The following DCDC2 variants were observed in gnomAD, a reference collection of about 807,000 sequenced individuals.
The protein encoded by DCDC2 is doublecortin domain-containing protein 2.
Under a neutral mutation model 50.2 loss-of-function variants are expected in DCDC2, and 40 were observed. The observed-to-expected ratio is 0.80, with a 90% CI of 0.62 to 1.04. The LOEUF (loss-of-function observed/expected upper bound fraction) is 1.04, where lower values mean the gene tolerates loss of function less well. Among genes scored for constraint, DCDC2 ranks in the 50% least tolerant of loss-of-function variants. The probability of loss-of-function intolerance (pLI) is 0.00; values close to 1 mark genes in which losing one functional copy is unlikely to be tolerated. For synonymous variants in DCDC2, 234 were observed against 210.6 expected, an observed-to-expected ratio of 1.11 and a Z score of -0.96; for missense variants, 570 against 581.9, an observed-to-expected ratio of 0.98 and a Z score of 0.21.
chr6:24,345,388 C>A lies in DCDC2; in HGVS notation c.348+8181G>T, dbSNP rs1581663265. Among the ~76,000 whole-genome samples the A allele has an allele frequency of 2.6e-5, 4 of 152,234 alleles. No homozygotes were observed. The South Asian group carries it at 8.3e-4, about 32-fold the overall frequency. On this transcript the variant is annotated intron_variant, in intron 2 of 9. Transcript: ENST00000378454. ...TATTCAAAATCTTAAGGACATTCAC[C>A]TGAGTAACTGACCTGAAGTACAACC...
intron 7 of DCDC2, among the ~76,000 whole-genome samples, chr6:24,220,895 C>CAAGAGAGCGAGAGCGAGA (rs1762097490): frequency 1.7e-5 from 2 of 117,160 alleles, no homozygotes; most frequent in Non-Finnish European, 4.0e-5. Context: ...AGAGAGTGAG[C>CAAGAGAGCGAGAGCGAGA]GAGCGAGCGA....
At chr6:24,208,436 T>C (rs866680730) in intron 7 of DCDC2, among the ~76,000 whole-genome samples, 2 of 135,908 alleles carry the variant, frequency 1.5e-5, no homozygotes, top group Non-Finnish European at 3.1e-5. Context: ...AGTGGCGCAA[T>C]CTCCGCTCAC....
intron 7 of DCDC2, among the ~76,000 whole-genome samples, chr6:24,210,060 C>G (rs112945477): frequency 0.036 from 4,763 of 132,724 alleles, 234 homozygotes; most frequent in African/African-American, 0.12. Flanking sequence ...GTGTGTCTGT[C>G]TGTCTGTCTG....
At chr6:24,369,595 C>T in the DCDC2 span, among the ~76,000 whole-genome samples, 3,733 of 150,868 alleles carry the variant, frequency 0.025, 79 homozygotes, top group African/African-American at 0.05. Context: ...GGTGACAGAG[C>T]GGGACTCCGT....
At chr6:24,337,789 C>A (rs1581659455) in intron 2 of DCDC2, among the ~76,000 whole-genome samples, 1 of 108,558 alleles carries the variant, frequency 9.2e-6, no homozygotes, top group Non-Finnish European at 2.0e-5. Flanking sequence ...TAGAGCAAGA[C>A]TCCGTCTCAA....
At chr6:24,359,285 T>C (rs1760595333), upstream of DCDC2, among the ~76,000 whole-genome samples, 1 of 75,684 alleles carries the variant, frequency 1.3e-5, no homozygotes, top group Non-Finnish European at 2.2e-5. Context: ...ATATATATTA[T>C]ATATTTTATA....
chr6:24,303,196 A>G (rs1325334765), intron 2 of DCDC2, among the ~76,000 whole-genome samples: 1 of 151,708 alleles, frequency 6.6e-6, no homozygotes, highest in Non-Finnish European at 1.5e-5. Flanking sequence ...CATTATTCCT[A>G]TTCCGACTTC....
intron 9 of DCDC2, 81 bp from the exon 10 acceptor site, chr6:24,174,915 C>A: frequency 1.3e-6 from 1 of 759,550 alleles, no homozygotes; most frequent in East Asian, 2.8e-5. Flanking sequence ...AAAAATTACT[C>A]AAGATTCTAT....
intron 7 of DCDC2, among the ~76,000 whole-genome samples, chr6:24,242,011 A>AT (rs909637137): frequency 7.2e-5 from 11 of 151,884 alleles, no homozygotes; most frequent in South Asian, 6.3e-4. Flanking sequence ...ATCTCTACCA[A>AT]TTTTTTTTAA....
chr6:24,329,281 C>G (rs1339418791), intron 2 of DCDC2, among the ~76,000 whole-genome samples: 1 of 152,148 alleles, frequency 6.6e-6, no homozygotes, highest in Non-Finnish European at 1.5e-5. Context: ...AATATTAACC[C>G]TCATTCCCTT....
intron 4 of DCDC2, among the ~76,000 whole-genome samples, chr6:24,296,820 C>T (rs182716710): frequency 1.3e-5 from 2 of 152,216 alleles, no homozygotes; most frequent in Non-Finnish European, 2.9e-5. Flanking sequence ...ATAATAGATG[C>T]TGGAAAAGCT....
intron 7 of DCDC2, among the ~76,000 whole-genome samples, chr6:24,243,719 C>A (rs1762612878): frequency 6.6e-6 from 1 of 152,076 alleles, no homozygotes; most frequent in South Asian, 2.1e-4. Context: ...CTGATTGTGC[C>A]AACCTTTGGA....
rs758628136 is a variant in DCDC2 at position 24,288,916 on chromosome 6, CA to C, written c.705-11del. The C allele has an allele frequency of 5.5e-5, 87 of 1,588,274 alleles. No individual in the cohort carries two copies. Among genetic ancestry groups the C allele is most frequent in the Non-Finnish European group, 7.0e-5 (82 of 1,170,242 alleles). On this transcript the variant is annotated splice_polypyrimidine_tract_variant and intron_variant, in intron 5 of 9. Coordinates refer to ENST00000378454, the MANE Select transcript of DCDC2 (RefSeq NM_016356.5). ...TGAAGAAGCTTTCTGACTGTGGAAA[CA>C]AATTGCAATTTAGAAATCTGAATGT...
At chr6:24,257,601 T>C (rs1408109477) in intron 7 of DCDC2, among the ~76,000 whole-genome samples, 2 of 151,850 alleles carry the variant, frequency 1.3e-5, no homozygotes, top group Admixed American at 6.6e-5. Flanking sequence ...ATGGGTATTC[T>C]AGACAGCTGC....
At chr6:24,347,536 T>A (rs1035917360) in intron 2 of DCDC2, among the ~76,000 whole-genome samples, 1 of 152,232 alleles carries the variant, frequency 6.6e-6, no homozygotes, top group Non-Finnish European at 1.5e-5. Context: ...AGCATTTACA[T>A]TGCACTGGGT....
At chr6:24,331,796 T>C (rs986240084) in intron 2 of DCDC2, among the ~76,000 whole-genome samples, 4 of 152,202 alleles carry the variant, frequency 2.6e-5, no homozygotes, top group Non-Finnish European at 5.9e-5. Flanking sequence ...AGTAGCTTCT[T>C]CATATTCTTT....
chr6:24,207,462 A>G (rs935125919), intron 7 of DCDC2, among the ~76,000 whole-genome samples: 7 of 152,232 alleles, frequency 4.6e-5, no homozygotes, highest in Non-Finnish European at 1.5e-5. Context: ...TAATTAATGG[A>G]CAATAATGAA....
intron 8 of DCDC2, among the ~76,000 whole-genome samples, chr6:24,194,684 G>A (rs1761393082): frequency 6.6e-6 from 1 of 152,128 alleles, no homozygotes; most frequent in African/African-American, 2.4e-5. Context: ...ATATAAATGG[G>A]GCGTATTGAC....
chr6:24,261,901 T>A (rs1170325991), intron 7 of DCDC2, among the ~76,000 whole-genome samples: 1 of 151,962 alleles, frequency 6.6e-6, no homozygotes, highest in Non-Finnish European at 1.5e-5. Flanking sequence ...AAATTCTATG[T>A]CAGGAAATGA....
Sources: allele counts gnomAD v4.1 joint callset (sites outside exome capture counted in the v4.1 genomes callset), GRCh38; gene constraint gnomAD v4.1.1; transcripts MANE v1.5; gene names NCBI Gene and HGNC (gene_info 2026-07-23, HGNC 2026-07-21).